Variants in ZWINT observed in about 807,000 individuals in gnomAD.
The protein encoded by ZWINT is outer kinetochore KNL1 complex subunit ZWINT.
Under a neutral mutation model 41.5 loss-of-function variants are expected in ZWINT, and 41 were observed. The ratio of observed to expected loss-of-function variants is 0.99; its 90% confidence interval spans 0.77 to 1.28. The LOEUF is 1.28. Ranked by LOEUF, ZWINT falls within the 50% of genes most tolerant of loss-of-function variation. The probability of loss-of-function intolerance (pLI) is 0.00; values close to 1 mark genes in which losing one functional copy is unlikely to be tolerated. For missense variants in ZWINT, 369 were observed against 329.7 expected, an observed-to-expected ratio of 1.12 and a Z score of -0.92; for synonymous variants, 132 against 126.8, an observed-to-expected ratio of 1.04 and a Z score of -0.28.
rs775650850 is a variant in ZWINT, at chr10:56,359,681, G to A, written c.423+6C>T. 1.2e-5 allele frequency: 19 copies of A among 1,614,068 alleles called. No individual in the cohort carries two copies. The highest frequency in any genetic ancestry group is 1.6e-5 in the Non-Finnish European group (19 of 1,180,014). ...CCCTCCCTGTACTCAAGACCCCTGG[G>A]TGTACCTTGGCCTGGAGCTGCTCAA... On this transcript the variant is annotated splice_donor_region_variant and intron_variant, in intron 4 of 8. Coordinates refer to ENST00000373944, the MANE Select transcript of ZWINT (RefSeq NM_007057.4).
rs1308366676 is a variant in ZWINT, at chr10:56,361,259, T to G, written c.-23A>C. 2 of 1,608,318 alleles carry G rather than the reference T, an allele frequency of 1.2e-6. No individual in the cohort carries two copies. The highest frequency in any genetic ancestry group is 1.7e-6 in the Non-Finnish European group (2 of 1,177,774). ...CATCTTTCCAGGCGCCGAGTTCAGC[T>G]GCCTTCCCACAATCCCTAAGATTAC... On this transcript the variant is annotated 5_prime_UTR_variant, in exon 1 of 9. Transcript: ENST00000373944.
chr10:56,358,678 AC>A lies in ZWINT; in HGVS notation c.669del (p.Leu224CysfsTer51). On this transcript the variant is annotated frameshift_variant, in exon 7 of 9. Coordinates refer to ENST00000373944, the MANE Select transcript of ZWINT (RefSeq NM_007057.4). LOFTEE classifies it high-confidence loss of function. ...GCCTCAGCCTCAGCCTCAGGGAACAACAGCTTACCCTGCAGGGTATACAGAA... is the reference window on the plus strand; with the variant it reads ...GCCTCAGCCTCAGCCTCAGGGAACAAAGCTTACCCTGCAGGGTATACAGAA... ...LQLLYTLQGK[L>X]LFPEAEAEAE... is the part of the protein sequence containing the mutation. The A allele has an allele frequency of 6.2e-7, 1 of 1,613,816 alleles. No homozygotes were observed. Among genetic ancestry groups the A allele is most frequent in the Non-Finnish European group, 8.5e-7 (1 of 1,180,016 alleles).
In ZWINT at chr10:56,360,041, G is replaced by A. The variant is rs1838286140; in HGVS notation, c.233C>T (p.Pro78Leu). ...AQEDTAKGLD[P>L]LASEDTSRQK... ...ACGGCTCGTGTCTTCAGAAGCCAAG[G>A]GGTCGAGACCCTTAGCAGTGTCCTC... The change falls in exon 3 of 9, where the codon CCC becomes CTC. Residue 78 changes from proline to leucine, a missense_variant. Transcript: ENST00000373944. 2 of 1,614,080 alleles carry A rather than the reference G, an allele frequency of 1.2e-6. No individual in the cohort carries two copies. Among genetic ancestry groups the A allele is most frequent in the East Asian group, 2.2e-5 (1 of 44,886 alleles).
intron 5 of ZWINT, 85 bp from the exon 6 acceptor site, chr10:56,359,032 T>C: frequency 6.7e-7 from 1 of 1,503,340 alleles, no homozygotes; most frequent in Non-Finnish European, 9.0e-7. Context: ...TACACCCAGC[T>C]CAGGGCTCAG....
chr10:56,360,789 G>C (rs2132106160), intron 1 of ZWINT, among the ~76,000 whole-genome samples: 1 of 152,276 alleles, frequency 6.6e-6, no homozygotes, highest in Middle Eastern at 3.4e-3. Flanking sequence ...GCAGAGTCTT[G>C]GAATAGCTGA....
chr10:56,359,561 G>C, intron 4 of ZWINT, 29 bp from the exon 5 acceptor site: 4 of 1,562,232 alleles, frequency 2.6e-6, no homozygotes, highest in Non-Finnish European at 3.5e-6. Context: ...GAAAGACCAA[G>C]AGAAGTCTAT....
rs1426328595 is a variant in ZWINT at position 56,357,412 on chromosome 10, A to G, written c.*815T>C. ...TATAGGAAATGCTATGAATTGAATG[A>G]TTGTGAAAATAAAGGAAGTCAGAAG... On this transcript the variant is annotated 3_prime_UTR_variant, in exon 9 of 9. Coordinates refer to ENST00000373944, the MANE Select transcript of ZWINT (RefSeq NM_007057.4). 2.6e-5 allele frequency: 4 copies of G among 152,250 alleles called. No homozygotes were observed. Among genetic ancestry groups the G allele is most frequent in the Admixed American group, 1.3e-4 (2 of 15,290 alleles). The allele number at this position is 152,250 out of a possible 1,614,324, so 9.4% of individuals were successfully genotyped here. A position where few individuals can be genotyped will look rare whatever the true frequency, so the allele number is the denominator to read the frequency against.
At chr10:56,359,376 G>T in intron 5 of ZWINT, 100 bp downstream of exon 5, 2 of 1,086,692 alleles carry the variant, frequency 1.8e-6, no homozygotes, top group Non-Finnish European at 2.6e-6. Flanking sequence ...ATATTATAGT[G>T]CCTCAAAGGA....
chr10:56,360,228 T>G, intron 2 of ZWINT, 65 bp downstream of exon 2: 1 of 1,611,368 alleles, frequency 6.2e-7, no homozygotes, highest in Non-Finnish European at 8.5e-7. Flanking sequence ...CTGCCCTGTA[T>G]CTCAGTAAGA....
At position 56,360,313 on chromosome 10, in the gene ZWINT, T is replaced by A; in HGVS notation, c.112A>T (p.Ile38Phe). ...CATACCACCACAAACTCAACCAGGA[T>A]CTTGGCTGGCAGTTCTGCCTCCTCC... ...LQEEAELPAK[I>F]LVEFVVDSQK... Residue 38 changes from isoleucine (I) to phenylalanine (F), a missense_variant, in exon 2 of 9, where the codon ATC (isoleucine) becomes TTC (phenylalanine). Coordinates refer to ENST00000373944, the MANE Select transcript of ZWINT (RefSeq NM_007057.4). The A allele has an allele frequency of 6.2e-7, 1 of 1,614,126 alleles. No homozygotes were observed. Among genetic ancestry groups the A allele is most frequent in the Non-Finnish European group, 8.5e-7 (1 of 1,180,008 alleles).
rs765032165 is a variant in ZWINT at position 56,358,560 on chromosome 10, AAGGACACACC to A, written c.778_787del (p.Gly260SerfsTer12). 20 of 1,613,788 alleles carry A rather than the reference AAGGACACACC, an allele frequency of 1.2e-5. No homozygotes were observed. Among genetic ancestry groups the A allele is most frequent in the Non-Finnish European group, 1.7e-5 (20 of 1,179,986 alleles). On this transcript the variant is annotated frameshift_variant, in exon 7 of 9. Coordinates refer to ENST00000373944, the MANE Select transcript of ZWINT (RefSeq NM_007057.4). LOFTEE classifies it high-confidence loss of function. ...CCTGTTCCATCTCTCATTTACCTTG[AAGGACACACC>A]AGGGTCTCTCCCCATGGTGTCTCCT...
Position 56,360,017 on chromosome 10 carries a change from C to T in ZWINT, c.256+1G>A, listed in dbSNP as rs1250877373. On this transcript the variant is annotated splice_donor_variant, in intron 3 of 8. Coordinates refer to ENST00000373944, the MANE Select transcript of ZWINT (RefSeq NM_007057.4). LOFTEE classifies it high-confidence loss of function. ...GCTACTACAATCCCCTGCCTACTCA[C>T]GGCTCGTGTCTTCAGAAGCCAAGGG... 3.7e-6 allele frequency: 6 copies of T among 1,613,954 alleles called. No homozygotes were observed. Among genetic ancestry groups the T allele is most frequent in the South Asian group, 3.3e-5 (3 of 91,086 alleles).
Position 56,361,202 on chromosome 10 carries a change from GCTGCAGCTTCCGCCTCTGTCTCCGCTGC to G in ZWINT, c.7_34del (p.Ala3ProfsTer2). On this transcript the variant is annotated frameshift_variant, in exon 1 of 9. Transcript: ENST00000373944. LOFTEE classifies it high-confidence loss of function. The stretch of plus-strand genomic sequence containing the variant: ...CTTAGCCGCAAACACTTACTCTAGG[GCTGCAGCTTCCGCCTCTGTCTCCGCTGC>G]CTCCATCTTTCCAGGCGCCGAGTTC... 1.2e-6 allele frequency: 2 copies of G among 1,613,160 alleles called. No individual in the cohort carries two copies. The highest frequency in any genetic ancestry group is 1.7e-6 in the Non-Finnish European group (2 of 1,179,982).
Position 56,358,027 on chromosome 10 carries a change from C to A in ZWINT, c.*200G>T. ...GTATCTGTATTAATAGTTGTTCCTGCCAGCATATGAAGATGAACAAATACA... is the reference window on the plus strand; with the variant it reads ...GTATCTGTATTAATAGTTGTTCCTGACAGCATATGAAGATGAACAAATACA... On this transcript the variant is annotated 3_prime_UTR_variant, in exon 9 of 9. Transcript: ENST00000373944. 1.8e-6 allele frequency: 1 copy of A among 542,856 alleles called. No homozygotes were observed. The highest frequency in any genetic ancestry group is 3.7e-6 in the Non-Finnish European group (1 of 267,494). 33.6% of individuals were successfully genotyped at this position (542,856 alleles called of 1,614,324 possible). A position where few individuals can be genotyped will look rare whatever the true frequency, so the allele number is the denominator to read the frequency against.
At position 56,360,069 on chromosome 10, in the gene ZWINT, GAGCCAGGA is replaced by G; in HGVS notation, c.197_204del (p.Ile66ThrfsTer6). On this transcript the variant is annotated frameshift_variant, in exon 3 of 9. Coordinates refer to ENST00000373944, the MANE Select transcript of ZWINT (RefSeq NM_007057.4). LOFTEE classifies it high-confidence loss of function. Reference sequence around the variant, plus strand: ...TCGAGACCCTTAGCAGTGTCCTCCTGAGCCAGGATGTTCTGCAGGAAATCCGCTACCTG... The same window carrying G: ...TCGAGACCCTTAGCAGTGTCCTCCTGTGTTCTGCAGGAAATCCGCTACCTG... 6.2e-7 allele frequency: 1 copy of G among 1,614,120 alleles called. No individual in the cohort carries two copies. Among genetic ancestry groups the G allele is most frequent in the Non-Finnish European group, 8.5e-7 (1 of 1,180,034 alleles).
rs1245130338 is a variant in ZWINT at position 56,357,780 on chromosome 10, T to C, written c.*447A>G. On this transcript the variant is annotated 3_prime_UTR_variant, in exon 9 of 9. Coordinates refer to ENST00000373944, the MANE Select transcript of ZWINT (RefSeq NM_007057.4). ...ATGAGCTCACTGTTATAATTCTGGT[T>C]CACCGCAAGAACCTTAGCACAAAGA... 1 of 322,976 alleles carries C rather than the reference T, an allele frequency of 3.1e-6. No homozygotes were observed. The highest frequency in any genetic ancestry group is 6.0e-6 in the Non-Finnish European group (1 of 166,366). The allele number at this position is 322,976 out of a possible 1,614,324, so 20.0% of individuals were successfully genotyped here.
Position 56,359,552 on chromosome 10 carries a change from A to T in ZWINT, c.424-20T>A, listed in dbSNP as rs534704030. On this transcript the variant is annotated intron_variant, in intron 4 of 8. Transcript: ENST00000373944. The stretch of plus-strand genomic sequence containing the variant: ...TTGTTTCTACAGATAAGCAAGGGAG[A>T]AAGACCAAGAGAAGTCTATTTTTTC... 1 of 1,558,354 alleles carries T rather than the reference A, an allele frequency of 6.4e-7. No individual in the cohort carries two copies. Among genetic ancestry groups the T allele is most frequent in the South Asian group, 1.2e-5 (1 of 80,650 alleles).
At chr10:56,359,200 A>G (rs1329772113) in intron 5 of ZWINT, among the ~76,000 whole-genome samples, 4 of 152,226 alleles carry the variant, frequency 2.6e-5, no homozygotes, top group Admixed American at 6.5e-5. Context: ...GCCAGGTACT[A>G]TTTTAAAGTC....
At position 56,361,240 on chromosome 10, in the gene ZWINT, T is replaced by C. The variant is rs745353115; in HGVS notation, c.-4A>G. 2 of 1,611,796 alleles carry C rather than the reference T, an allele frequency of 1.2e-6. No individual in the cohort carries two copies. The highest frequency in any genetic ancestry group is 1.1e-5 in the South Asian group (1 of 91,030). On this transcript the variant is annotated 5_prime_UTR_variant, in exon 1 of 9. Transcript: ENST00000373944. ...CCTCTGTCTCCGCTGCCTCCATCTT[T>C]CCAGGCGCCGAGTTCAGCTGCCTTC...
Sources: gnomAD v4.1 joint callset for allele counts (sites outside exome capture counted in the v4.1 genomes callset) on GRCh38, gnomAD v4.1.1 for gene constraint, MANE v1.5 for transcripts, NCBI Gene and HGNC (gene_info 2026-07-23, HGNC 2026-07-21) for gene names.